The following COG5 variants were observed in gnomAD, a reference collection of about 807,000 sequenced individuals.
The protein encoded by COG5 is conserved oligomeric Golgi complex subunit 5.
In COG5, 86 loss-of-function variants were observed where a neutral mutation model predicts 110.4. The observed-to-expected ratio is 0.78, with a 90% confidence interval of 0.65 to 0.93. The LOEUF (loss-of-function observed/expected upper bound fraction) is 0.93, where lower values mean the gene tolerates loss of function less well. Among genes scored for constraint, COG5 ranks in the 40% least tolerant of loss-of-function variants. COG5 has a pLI of 0.00. For missense variants in COG5, 1,077 were observed against 987.0 expected, an observed-to-expected ratio of 1.09 and a Z score of -1.22; for synonymous variants, 360 against 334.6, an observed-to-expected ratio of 1.08 and a Z score of -0.83.
chr7:107,510,202 G>C (rs1236268568), intron 6 of COG5, among the ~76,000 whole-genome samples: 2 of 151,906 alleles, frequency 1.3e-5, no homozygotes, highest in African/African-American at 2.4e-5. Context: ...GATGGAGGAA[G>C]ATCTACCAAG....
intron 17 of COG5, among the ~76,000 whole-genome samples, chr7:107,238,800 T>A (rs1801400347): frequency 6.6e-6 from 1 of 152,214 alleles, no homozygotes; most frequent in East Asian, 1.9e-4. Flanking sequence ...TGTCTTCTTT[T>A]GAGAAATGTC....
At chr7:107,483,956 A>C (rs1412397122) in intron 6 of COG5, among the ~76,000 whole-genome samples, 1 of 152,134 alleles carries the variant, frequency 6.6e-6, no homozygotes, top group Non-Finnish European at 1.5e-5. Flanking sequence ...ATGTAATCCA[A>C]AACTAAAATA....
intron 6 of COG5, among the ~76,000 whole-genome samples, chr7:107,455,360 C>T (rs1293117003): frequency 6.6e-6 from 1 of 152,122 alleles, no homozygotes; most frequent in East Asian, 1.9e-4. Context: ...GGTCTAGATA[C>T]ACTTTTAGAT....
intron 6 of COG5, among the ~76,000 whole-genome samples, chr7:107,456,945 C>T (rs1795700699): frequency 6.6e-6 from 1 of 152,130 alleles, no homozygotes; most frequent in African/African-American, 2.4e-5. Flanking sequence ...AGCTTAAAAA[C>T]AAGTGTGAAA....
chr7:107,317,411 C>T (rs1808855983), intron 11 of COG5, among the ~76,000 whole-genome samples: 1 of 152,144 alleles, frequency 6.6e-6, no homozygotes, highest in Non-Finnish European at 1.5e-5. Flanking sequence ...CAGCATTAAA[C>T]TTCCAGAGTT....
At chr7:107,273,003 T>C (rs888914742) in intron 14 of COG5, among the ~76,000 whole-genome samples, 1 of 140,172 alleles carries the variant, frequency 7.1e-6, no homozygotes, top group Admixed American at 7.0e-5. Flanking sequence ...AAAGGAAGTC[T>C]TCTCCCTCAT....
intron 6 of COG5, among the ~76,000 whole-genome samples, chr7:107,473,823 A>G (rs1796800132): frequency 6.6e-6 from 1 of 152,024 alleles, no homozygotes; most frequent in Non-Finnish European, 1.5e-5. Flanking sequence ...AACAATTTCC[A>G]TAGTTATTTC....
chr7:107,282,000 T>C (rs1040851304), intron 13 of COG5, among the ~76,000 whole-genome samples: 17 of 135,936 alleles, frequency 1.3e-4, no homozygotes, highest in Non-Finnish European at 2.1e-4. Context: ...GTATTTGATC[T>C]GACTGCCAAA....
At chr7:107,456,332 C>T in intron 6 of COG5, among the ~76,000 whole-genome samples, 1 of 152,186 alleles carries the variant, frequency 6.6e-6, no homozygotes, top group Non-Finnish European at 1.5e-5. Flanking sequence ...AAAACTTCTA[C>T]TTCCAACCTA....
rs151129529 is a variant in COG5, at chr7:107,248,493, G to A, written c.1756C>T (p.His586Tyr). ...TGCACAGCATTTTCCATAAGAGCAT[G>A]AATAGCCTAAAAAAAAAAAAGAAAG... Reference protein sequence around the residue: ...QTIISALKAIHALMENAVQPL... With the variant: ...QTIISALKAIYALMENAVQPL... Residue 586 changes from histidine to tyrosine, a missense_variant, in exon 17 of 22, where the codon CAT (histidine) becomes TAT (tyrosine). Coordinates refer to ENST00000297135, the MANE Select transcript of COG5 (RefSeq NM_006348.5). The A allele has an allele frequency of 1.8e-4, 287 of 1,562,248 alleles. 1 individual carries two copies. In the African/African-American group the frequency reaches 2.5e-3, roughly 14 times the overall value.
intron 7 of COG5, among the ~76,000 whole-genome samples, chr7:107,406,711 A>C (rs1217083529): frequency 1.3e-5 from 2 of 152,178 alleles, no homozygotes; most frequent in South Asian, 4.1e-4. Flanking sequence ...ATTGAAGATA[A>C]TATTTTGGTT....
At position 107,392,044 on chromosome 7, in the gene COG5, T is replaced by C. The variant is rs555175811; in HGVS notation, c.670-19284A>G. 3.3e-5 allele frequency among the ~76,000 whole-genome samples: 5 copies of C among 152,010 alleles called. No homozygotes were observed. In the East Asian group the frequency reaches 7.7e-4, roughly 23 times the overall value. On this transcript the variant is annotated intron_variant, in intron 7 of 21. Coordinates refer to ENST00000297135, the MANE Select transcript of COG5 (RefSeq NM_006348.5). ...AGGTGGAGGTTGCAGTGAGCTGAGA[T>C]TGCGCCACTGCACTCCAGCCTGGGC...
intron 12 of COG5, among the ~76,000 whole-genome samples, chr7:107,285,871 A>AG (rs1378354414): frequency 6.6e-6 from 1 of 152,028 alleles, no homozygotes; most frequent in Non-Finnish European, 1.5e-5. Flanking sequence ...TCAAGAAAAA[A>AG]AAAAAAAAAT....
intron 17 of COG5, among the ~76,000 whole-genome samples, chr7:107,237,328 T>A (rs891057278): frequency 5.9e-5 from 9 of 152,230 alleles, no homozygotes; most frequent in Non-Finnish European, 1.2e-4. Context: ...TTATAATTTA[T>A]AAATGTTTAT....
chr7:107,380,367 G>T (rs979193043), intron 7 of COG5, among the ~76,000 whole-genome samples: 3 of 151,978 alleles, frequency 2.0e-5, no homozygotes, highest in South Asian at 2.1e-4. Flanking sequence ...AAAAATCAAT[G>T]AATACAGGAG....
At chr7:107,425,879 G>A (rs535806137) in intron 6 of COG5, among the ~76,000 whole-genome samples, 1 of 152,236 alleles carries the variant, frequency 6.6e-6, no homozygotes, top group South Asian at 2.1e-4. Flanking sequence ...TTAAACATAG[G>A]ACTGTTGCCA....
chr7:107,485,993 G>C (rs1272311908), intron 6 of COG5, among the ~76,000 whole-genome samples: 2 of 152,106 alleles, frequency 1.3e-5, no homozygotes, highest in African/African-American at 2.4e-5. Context: ...GCACAAACTT[G>C]GGCAATTATA....
chr7:107,299,853 A>ATATG lies in COG5; in HGVS notation c.1109-1508_1109-1507insCATA, dbSNP rs1554409310. On this transcript the variant is annotated intron_variant, in intron 11 of 21. Coordinates refer to ENST00000297135, the MANE Select transcript of COG5 (RefSeq NM_006348.5). The stretch of plus-strand genomic sequence containing the variant: ...TATATATATATATATATATATATAT[A>ATATG]TATATCTGGAATTATCTGGAATATA... 6.3e-5 allele frequency among the ~76,000 whole-genome samples: 8 copies of ATATG among 126,446 alleles called. 1 individual carries two copies. Among genetic ancestry groups the ATATG allele is most frequent in the African/African-American group, 2.4e-4 (8 of 33,888 alleles). The allele number at this position is 126,446 out of a possible 152,430, so 83.0% of individuals were successfully genotyped here.
chr7:107,523,672 G>A (rs1018100008), intron 6 of COG5, among the ~76,000 whole-genome samples: 153 of 152,144 alleles, frequency 1.0e-3, no homozygotes, highest in African/African-American at 3.1e-3. Context: ...AAAATTAGCC[G>A]GGCATGGTGG....
Sources: allele counts gnomAD v4.1 joint callset (sites outside exome capture counted in the v4.1 genomes callset), GRCh38; gene constraint gnomAD v4.1.1; transcripts MANE v1.5; gene names NCBI Gene and HGNC (gene_info 2026-07-23, HGNC 2026-07-21).